PDE2A: variants seen among roughly 807,000 people sequenced by gnomAD.
PDE2A encodes cGMP-dependent 3',5'-cyclic phosphodiesterase.
In PDE2A, 53 loss-of-function variants were observed where a neutral mutation model predicts 133.6. That is an observed-to-expected ratio of 0.40 (90% CI 0.32 to 0.50). The LOEUF is 0.50. Ranked by LOEUF, PDE2A falls within the 20% of genes least tolerant of loss-of-function variation. PDE2A has a pLI of 0.73. For synonymous variants in PDE2A, 491 were observed against 490.2 expected (o/e 1.00, Z -0.02); for missense variants, 796 against 1,232.4 (o/e 0.65, Z 5.30).
intron 1 of PDE2A, 178 bp from the exon 2 acceptor site, chr11:72,642,504 G>T: frequency 2.3e-6 from 1 of 435,244 alleles, no homozygotes; most frequent in Non-Finnish European, 2.6e-6. Context: ...CCCGCCCCCG[G>T]CCCGCCCCGG....
intron 2 of PDE2A, chr11:72,636,058 T>C: frequency 7.8e-7 from 1 of 1,274,320 alleles, no homozygotes; most frequent in South Asian, 1.3e-5. Context: ...ATGGGAGGCA[T>C]GCAAGGCCAA....
intron 12 of PDE2A, 94 bp downstream of exon 12, chr11:72,589,081 C>T (rs1856111755): frequency 7.8e-7 from 1 of 1,276,160 alleles, no homozygotes; most frequent in African/African-American, 1.5e-5. Context: ...TTATCTGCCC[C>T]ATTCCTAGGC....
chr11:72,579,058 C>T (rs1470590129), intron 27 of PDE2A, 49 bp from the exon 28 acceptor site: 3 of 1,384,292 alleles, frequency 2.2e-6, no homozygotes, highest in Non-Finnish European at 3.1e-6. Context: ...CCTCTTTGCC[C>T]TTCTGAGGAC....
intron 25 of PDE2A, 41 bp from the exon 26 acceptor site, chr11:72,579,649 G>A: frequency 7.0e-7 from 1 of 1,422,406 alleles, no homozygotes; most frequent in Non-Finnish European, 9.9e-7. Context: ...TGGGGCAGAT[G>A]GGCTCCCTTA....
chr11:72,603,932 C>T (rs906691088), intron 4 of PDE2A, among the ~76,000 whole-genome samples: 2 of 152,200 alleles, frequency 1.3e-5, no homozygotes, highest in Non-Finnish European at 2.9e-5. Flanking sequence ...GCCTCAGGAC[C>T]ATGAGTCCAG....
chr11:72,602,286 G>A (rs1333892901), intron 4 of PDE2A, among the ~76,000 whole-genome samples: 2 of 152,150 alleles, frequency 1.3e-5, no homozygotes, highest in Admixed American at 6.5e-5. Flanking sequence ...GGGAGCTGGC[G>A]GGGGCCTCCT....
rs757436628 is a variant in PDE2A, at chr11:72,608,724, T to A, written c.172A>T (p.Ile58Phe). The change falls in exon 3 of 31, where the codon ATC becomes TTC. Residue 58 changes from isoleucine (I) to phenylalanine (F), a missense_variant. Ile to Phe is a conservative substitution (Grantham distance 21). Transcript: ENST00000334456. The part of the protein sequence containing the change: ...QDALLSLGSV[I>F]DISGLQRAVK... Reference sequence around the variant, plus strand: ...GCACGTTGCAGGCCTGAAATGTCGATGACAGAGCCCAGACTCAGCAAGGCG... The same window carrying A: ...GCACGTTGCAGGCCTGAAATGTCGAAGACAGAGCCCAGACTCAGCAAGGCG... 4.5e-6 allele frequency: 7 copies of A among 1,571,426 alleles called. No homozygotes were observed. In the Admixed American group the frequency reaches 7.7e-5, roughly 17 times the overall value.
intron 2 of PDE2A, among the ~76,000 whole-genome samples, chr11:72,612,664 T>G (rs1455669130): frequency 6.8e-6 from 1 of 147,560 alleles, no homozygotes; most frequent in African/African-American, 2.5e-5. Context: ...GCAGGATGGG[T>G]TGGGGGAGGG....
chr11:72,633,401 C>T (rs746737811), intron 2 of PDE2A, among the ~76,000 whole-genome samples: 2 of 152,178 alleles, frequency 1.3e-5, no homozygotes, highest in Non-Finnish European at 2.9e-5. Flanking sequence ...GGGGACTCAG[C>T]CTTGCCCTTC....
At position 72,608,721 on chromosome 11, in the gene PDE2A, C is replaced by T. The variant is rs376352935; in HGVS notation, c.175G>A (p.Asp59Asn). ...ACAGCACGTTGCAGGCCTGAAATGT[C>T]GATGACAGAGCCCAGACTCAGCAAG... is the stretch of plus-strand genomic sequence containing the variant. ...DALLSLGSVIDISGLQRAVKE... is the reference protein window; with the variant it reads ...DALLSLGSVINISGLQRAVKE... The change falls in exon 3 of 31, where the codon GAC (aspartate) becomes AAC (asparagine). Residue 59 changes from aspartate (D) to asparagine (N), a missense_variant. This residue lies in a region of PDE2A where 417 missense variants were observed against 475.3 expected (regional missense o/e 0.88). Coordinates refer to ENST00000334456, the MANE Select transcript of PDE2A (RefSeq NM_002599.5). The T allele has an allele frequency of 7.4e-5, 116 of 1,572,050 alleles. No homozygotes were observed. The highest frequency in any genetic ancestry group is 9.7e-5 in the Non-Finnish European group (112 of 1,157,908).
chr11:72,668,024 A>G (rs925582331), intron 1 of PDE2A, among the ~76,000 whole-genome samples: 2 of 152,242 alleles, frequency 1.3e-5, no homozygotes, highest in Admixed American at 1.3e-4. Context: ...AGTTCAATCC[A>G]TTCAGCCTAA....
At chr11:72,601,340 GC>G (rs1185603804) in intron 4 of PDE2A, among the ~76,000 whole-genome samples, 1 of 87,136 alleles carries the variant, frequency 1.1e-5, no homozygotes, top group African/African-American at 4.6e-5. Context: ...CCCTCACTAA[GC>G]CCCCCACTCT....
Position 72,590,885 on chromosome 11 carries a change from G to C in PDE2A, c.550-305C>G, listed in dbSNP as rs536269953. The stretch of plus-strand genomic sequence containing the variant: ...CTCCAGCCCCCTCAGGAAGTCGTAA[G>C]TCCTTGTTAAAGTCACAAAATCATA... On this transcript the variant is annotated intron_variant, in intron 7 of 30. Coordinates refer to ENST00000334456, the MANE Select transcript of PDE2A (RefSeq NM_002599.5). This position sits in a 1 kb window ranked among gnomAD's most constrained non-coding sequence, Gnocchi z 4.8. The C allele has an allele frequency of 7.1e-5, 27 of 381,500 alleles. No individual in the cohort carries two copies. The highest frequency in any genetic ancestry group is 5.4e-4 in the African/African-American group (26 of 48,066). 23.6% of individuals were successfully genotyped at this position (381,500 alleles called of 1,614,324 possible).
rs544701508 is a variant in PDE2A at position 72,597,849 on chromosome 11, G to C, written c.324-230C>G. Among the ~76,000 whole-genome samples the C allele has an allele frequency of 9.2e-5, 14 of 152,328 alleles. No homozygotes were observed. The highest frequency in any genetic ancestry group is 3.4e-4 in the African/African-American group (14 of 41,576). ...GCCTCTGGTGCCCCTTGCTGGTAAA[G>C]GCTCGGGTGGGGCCCAGTGCAGATC... On this transcript the variant is annotated intron_variant, in intron 4 of 30. Transcript: ENST00000334456. This position sits in a 1 kb window ranked among gnomAD's most constrained non-coding sequence, Gnocchi z 4.6.
chr11:72,591,092 G>C (rs1856229042), intron 7 of PDE2A: 1 of 601,286 alleles, frequency 1.7e-6, no homozygotes, highest in South Asian at 2.1e-5. Context: ...ACTGCCCTAG[G>C]TCAGTCGGTG....
In PDE2A at chr11:72,578,859, T is replaced by A. The variant is rs1459242527; in HGVS notation, c.2469+38A>T. Reference sequence around the variant, plus strand: ...AGGGGGCACCCAAAGCTGGGCAGGGTGGGCAGCCTGTGCCTTCCCAGGGAG... The same window carrying A: ...AGGGGGCACCCAAAGCTGGGCAGGGAGGGCAGCCTGTGCCTTCCCAGGGAG... On this transcript the variant is annotated intron_variant, in intron 28 of 30. Coordinates refer to ENST00000334456, the MANE Select transcript of PDE2A (RefSeq NM_002599.5). The surrounding 1 kb of genome is among the most constrained non-coding windows in gnomAD (Gnocchi z 4.2). The A allele has an allele frequency of 1.5e-6, 2 of 1,314,592 alleles. No homozygotes were observed. Among genetic ancestry groups the A allele is most frequent in the Middle Eastern group, 1.8e-4 (1 of 5,456 alleles). 81.4% of individuals were successfully genotyped at this position (1,314,592 alleles called of 1,614,324 possible). A position where few individuals can be genotyped will look rare whatever the true frequency, so the allele number is the denominator to read the frequency against.
chr11:72,673,882 G>A (rs112917620), intron 1 of PDE2A, among the ~76,000 whole-genome samples: 8,644 of 152,082 alleles, frequency 0.057, 337 homozygotes, highest in Middle Eastern at 0.11. Flanking sequence ...CCTCCAACCA[G>A]CAGCCCCTTC....
At chr11:72,615,232 G>A (rs1486322632) in intron 2 of PDE2A, 12 of 331,614 alleles carry the variant, frequency 3.6e-5, no homozygotes, top group South Asian at 6.9e-5. Context: ...GCTCCGCCCC[G>A]GCCTCTCGCC....
chr11:72,668,941 C>G, intron 1 of PDE2A: 1 of 1,009,080 alleles, frequency 9.9e-7, no homozygotes, highest in Non-Finnish European at 1.2e-6. Context: ...GTCTCTCCCT[C>G]TCCAGGCCCC....
Sources: gnomAD v4.1 joint callset for allele counts (sites outside exome capture counted in the v4.1 genomes callset) on GRCh38, gnomAD v4.1.1 for gene constraint, gnomAD v4.1.1 regional missense constraint, Gnocchi (gnomAD v3.1) non-coding constraint, MANE v1.5 for transcripts, NCBI Gene and HGNC (gene_info 2026-07-23, HGNC 2026-07-21) for gene names.